CLIC2: variants seen among roughly 807,000 people sequenced by gnomAD.
The protein encoded by CLIC2 is chloride intracellular channel protein 2.
In CLIC2, 9 loss-of-function variants were observed where a neutral mutation model predicts 14.8. The observed-to-expected ratio is 0.61, with a 90% CI of 0.37 to 1.06. The LOEUF is 1.06. Among genes scored for constraint, CLIC2 ranks in the 50% least tolerant of loss-of-function variants. The pLI, the probability that CLIC2 is intolerant of heterozygous loss-of-function variation, is 0.01. For synonymous variants in CLIC2, 61 were observed against 66.3 expected (o/e 0.92, Z 0.39); for missense variants, 148 against 181.4 (o/e 0.82, Z 1.06).
intron 1 of CLIC2, among the ~76,000 whole-genome samples, chrX:155,315,229 T>C (rs782691861): frequency 3.2e-4 from 36 of 112,251 alleles, no homozygotes; most frequent in Non-Finnish European, 5.1e-4. Context: ...TTTAGATATC[T>C]AGGCATCCAA....
chrX:155,291,944 C>T (rs1313726016), intron 3 of CLIC2, among the ~76,000 whole-genome samples: 2 of 112,125 alleles, frequency 1.8e-5, no homozygotes, highest in Non-Finnish European at 3.8e-5. Flanking sequence ...CGCAGCCCCG[C>T]GGCCATGCGA....
intron 1 of CLIC2, among the ~76,000 whole-genome samples, chrX:155,331,161 A>C (rs140079561): frequency 2.9e-3 from 316 of 110,832 alleles, no homozygotes; most frequent in African/African-American, 0.01. Context: ...AGGTTTAGTG[A>C]GTGGAAACAT....
At chrX:155,283,091 C>T (rs1384553807) in intron 3 of CLIC2, among the ~76,000 whole-genome samples, 1 of 112,229 alleles carries the variant, frequency 8.9e-6, no homozygotes, top group Non-Finnish European at 1.9e-5. Flanking sequence ...AAGCTGGCTT[C>T]TTCAACCCCA....
In CLIC2 at chrX:155,298,780, T is replaced by G. The variant is rs782067711; in HGVS notation, c.293+5A>C. 2.3e-5 allele frequency: 28 copies of G among 1,210,079 alleles called. No homozygotes were observed. In the South Asian group the frequency reaches 4.9e-4, roughly 21 times the overall value. On this transcript the variant is annotated splice_donor_5th_base_variant and intron_variant, in intron 3 of 5. Transcript: ENST00000369449. ...CAGCAAAATAGTATCTTGTAAATGC[T>G]GTACCTTGGAGGAGCCAGGGTTTGT... is the stretch of plus-strand genomic sequence containing the variant.
intron 1 of CLIC2, among the ~76,000 whole-genome samples, chrX:155,303,097 C>T (rs1557319373): frequency 1.0e-5 from 1 of 96,367 alleles, no homozygotes; most frequent in East Asian, 3.4e-4. Flanking sequence ...CTATTAGGTC[C>T]CCTTGGTGCA....
chrX:155,290,389 CTAAT>C, intron 3 of CLIC2: 1 of 462,258 alleles, frequency 2.2e-6, no homozygotes. Context: ...CGCTGGGCCC[CTAAT>C]TAGTCTTCGA....
In CLIC2 at chrX:155,279,245, A is replaced by G. The variant is rs2074909679; in HGVS notation, c.486T>C (p.Ser162=). The change falls in exon 5 of 6, where the codon AGT becomes AGC. Residue 162 remains serine (S), a synonymous_variant. Transcript: ENST00000369449. ...TPLLDEIDPD[S]AEEPPVSRRL... is the part of the protein sequence containing the mutation. ...TTCTGGAAACTGGGGGTTCCTCAGC[A>G]CTGTCTGGATCAATTTCATCCAGAA... 8.3e-7 allele frequency: 1 copy of G among 1,206,717 alleles called. No homozygotes were observed. The highest frequency in any genetic ancestry group is 1.8e-5 in the South Asian group (1 of 56,718).
At chrX:155,312,973 C>G (rs1557320726) in intron 1 of CLIC2, among the ~76,000 whole-genome samples, 4 of 110,767 alleles carry the variant, frequency 3.6e-5, no homozygotes, top group Non-Finnish European at 7.5e-5. Context: ...AAGTTCAACA[C>G]CCCTGATAAT....
At chrX:155,306,956 C>G (rs1248457072) in intron 1 of CLIC2, among the ~76,000 whole-genome samples, 2 of 111,269 alleles carry the variant, frequency 1.8e-5, no homozygotes, top group African/African-American at 3.3e-5. Context: ...ATTTTTTCTA[C>G]TGATTGAAAA....
chrX:155,292,498 T>C (rs1199842613), intron 3 of CLIC2: 11 of 638,654 alleles, frequency 1.7e-5, no homozygotes, highest in Non-Finnish European at 2.6e-5. Flanking sequence ...CCTGAGTATA[T>C]TAAGAAAGCT....
intron 1 of CLIC2, among the ~76,000 whole-genome samples, chrX:155,329,468 T>G (rs2075149290): frequency 1.9e-5 from 2 of 105,775 alleles, no homozygotes; most frequent in Non-Finnish European, 3.9e-5. Context: ...TACTTTCAAT[T>G]GCAAAAACCG....
At chrX:155,298,957 A>G (rs1557318674) in intron 2 of CLIC2, 47 bp from the exon 3 acceptor site, 3 of 1,179,404 alleles carry the variant, frequency 2.5e-6, no homozygotes, top group Non-Finnish European at 2.3e-6. Context: ...GATAAAGTAC[A>G]CATTAAATAA....
intron 1 of CLIC2, among the ~76,000 whole-genome samples, chrX:155,301,416 G>T (rs1382702684): frequency 9.0e-6 from 1 of 110,979 alleles, no homozygotes; most frequent in Admixed American, 9.6e-5. Context: ...TGTGATTTTT[G>T]CACATTGATT....
chrX:155,305,478 A>G (rs989936197), intron 1 of CLIC2, among the ~76,000 whole-genome samples: 8 of 111,297 alleles, frequency 7.2e-5, no homozygotes, highest in South Asian at 3.7e-4. Context: ...ACTGTCTGGC[A>G]CTCCCTAGTG....
At chrX:155,320,839 C>T (rs1377765195) in intron 1 of CLIC2, among the ~76,000 whole-genome samples, 3 of 111,206 alleles carry the variant, frequency 2.7e-5, no homozygotes, top group Non-Finnish European at 5.7e-5. Context: ...AAATTGCTAA[C>T]TAGAAAAACC....
At chrX:155,305,548 C>G (rs782706215) in intron 1 of CLIC2, among the ~76,000 whole-genome samples, 11 of 112,460 alleles carry the variant, frequency 9.8e-5, no homozygotes, top group Non-Finnish European at 1.5e-4. Context: ...CGTCGCTCAT[C>G]CTGGGAGCTG....
At chrX:155,284,385 G>A (rs1352244864) in intron 3 of CLIC2, among the ~76,000 whole-genome samples, 2 of 107,831 alleles carry the variant, frequency 1.9e-5, no homozygotes, top group Admixed American at 1.0e-4. Flanking sequence ...TCAGCCTCCC[G>A]AGTAGCTGGG....
At chrX:155,328,712 T>A (rs2075146812) in intron 1 of CLIC2, among the ~76,000 whole-genome samples, 2 of 110,555 alleles carry the variant, frequency 1.8e-5, no homozygotes, top group Admixed American at 1.9e-4. Context: ...AAGCAATACC[T>A]GACTTCAAAT....
intron 1 of CLIC2, chrX:155,310,330 G>A (rs782710371): frequency 2.8e-5 from 5 of 175,597 alleles, no homozygotes; most frequent in African/African-American, 1.6e-4. Context: ...GCCAGGTCAG[G>A]AAGCCTGGAG....
Sources: allele counts gnomAD v4.1 joint callset (sites outside exome capture counted in the v4.1 genomes callset), GRCh38; gene constraint gnomAD v4.1.1; transcripts MANE v1.5; gene names NCBI Gene and HGNC (gene_info 2026-07-23, HGNC 2026-07-21).